Variants in BMPR1B observed in about 807,000 individuals in gnomAD.
BMPR1B encodes bone morphogenetic protein receptor type-1B.
In BMPR1B, 12 loss-of-function variants were observed where a neutral mutation model predicts 59.1. The observed-to-expected ratio is 0.20, with a 90% CI of 0.13 to 0.33. The LOEUF is 0.33. Among genes scored for constraint, BMPR1B ranks in the 10% least tolerant of loss-of-function variants. The pLI, the probability that BMPR1B is intolerant of heterozygous loss-of-function variation, is 1.00. For synonymous variants in BMPR1B, 237 were observed against 207.3 expected, an observed-to-expected ratio of 1.14 and a Z score of -1.23; for missense variants, 550 against 610.9, an observed-to-expected ratio of 0.90 and a Z score of 1.05.
At chr4:94,893,717 C>T (rs1727483160) in intron 2 of BMPR1B, among the ~76,000 whole-genome samples, 1 of 151,872 alleles carries the variant, frequency 6.6e-6, no homozygotes, top group African/African-American at 2.4e-5. Flanking sequence ...CTTTCCATTC[C>T]TATAAAATGG....
chr4:95,055,062 G>C (rs1327713871), intron 3 of BMPR1B, among the ~76,000 whole-genome samples: 1 of 152,088 alleles, frequency 6.6e-6, no homozygotes. Context: ...AGGAAAACAA[G>C]GTGAGATAGG....
At chr4:95,091,276 T>TTTTGTTTTG (rs1560645858) in intron 3 of BMPR1B, among the ~76,000 whole-genome samples, 18 of 144,984 alleles carry the variant, frequency 1.2e-4, no homozygotes, top group African/African-American at 4.3e-4. Context: ...TTTTCTTTTT[T>TTTTGTTTTG]TTTTGTTTTG....
intron 2 of BMPR1B, among the ~76,000 whole-genome samples, chr4:94,913,429 A>G (rs1346887707): frequency 6.6e-6 from 1 of 152,182 alleles, no homozygotes; most frequent in Non-Finnish European, 1.5e-5. Flanking sequence ...GTAAAGATTG[A>G]AACTATTGCG....
intron 2 of BMPR1B, among the ~76,000 whole-genome samples, chr4:94,955,970 A>G (rs1204457960): frequency 6.6e-6 from 1 of 152,114 alleles, no homozygotes; most frequent in Admixed American, 6.5e-5. Context: ...TGAGGCAGCA[A>G]ATACTCTTTC....
intron 1 of BMPR1B, among the ~76,000 whole-genome samples, chr4:94,807,302 T>C (rs181342487): frequency 2.0e-5 from 3 of 152,068 alleles, no homozygotes; most frequent in African/African-American, 7.2e-5. Context: ...CACCATGTTG[T>C]CCAGGCTGCC....
chr4:95,001,296 G>T (rs532956385), intron 3 of BMPR1B, among the ~76,000 whole-genome samples: 5 of 151,950 alleles, frequency 3.3e-5, no homozygotes, highest in African/African-American at 1.2e-4. Context: ...AATTTTTTGT[G>T]TCTCTGTGTC....
rs374744787 is a variant in BMPR1B at position 95,078,767 on chromosome 4, A to G, written c.-17-25641A>G. Among the ~76,000 whole-genome samples, 7 of 151,792 alleles carry G rather than the reference A, an allele frequency of 4.6e-5. No homozygotes were observed. The East Asian group carries it at 5.8e-4, about 13-fold the overall frequency. On this transcript the variant is annotated intron_variant, in intron 3 of 12. Transcript: ENST00000515059. ...TCTGTATTTCTTTCTTTTTTTCCTT[A>G]CTATTTTTGAGACAGAGTCTTGCTC... is the stretch of plus-strand genomic sequence containing the variant.
At chr4:95,141,575 T>C (rs1421096883) in intron 10 of BMPR1B, among the ~76,000 whole-genome samples, 1 of 152,214 alleles carries the variant, frequency 6.6e-6, no homozygotes. Context: ...ATGCATTTCC[T>C]GCTCAGCAGA....
intron 3 of BMPR1B, among the ~76,000 whole-genome samples, chr4:95,019,083 G>A (rs142344007): frequency 3.3e-5 from 5 of 152,126 alleles, no homozygotes; most frequent in African/African-American, 9.6e-5. Context: ...GTCGAATACC[G>A]CTTCATATTG....
intron 2 of BMPR1B, among the ~76,000 whole-genome samples, chr4:94,890,633 G>A (rs1441315435): frequency 6.6e-6 from 1 of 152,030 alleles, no homozygotes; most frequent in Non-Finnish European, 1.5e-5. Flanking sequence ...CCACAGTTCT[G>A]GAAGCTGAAC....
Position 94,820,208 on chromosome 4 carries a change from A to G in BMPR1B, c.-182-55623A>G, listed in dbSNP as rs1289333434. Among the ~76,000 whole-genome samples, 5 of 152,228 alleles carry G rather than the reference A, an allele frequency of 3.3e-5. No homozygotes were observed. In the East Asian group the frequency reaches 9.7e-4, roughly 29 times the overall value. On this transcript the variant is annotated intron_variant, in intron 1 of 12. Coordinates refer to ENST00000515059, the MANE Select transcript of BMPR1B (RefSeq NM_001203.3). ...GAGAAAGAATTTTCTAGGGTGCCAG[A>G]CCTTGAATGTATGGAGCAGAAATTT...
At chr4:95,109,237 G>A (rs941511114) in intron 4 of BMPR1B, among the ~76,000 whole-genome samples, 1 of 152,018 alleles carries the variant, frequency 6.6e-6, no homozygotes, top group Non-Finnish European at 1.5e-5. Context: ...TCTCCTGCCT[G>A]GGCAGTTTTC....
At chr4:95,021,050 G>C (rs1281377246) in intron 3 of BMPR1B, among the ~76,000 whole-genome samples, 1 of 152,124 alleles carries the variant, frequency 6.6e-6, no homozygotes, top group Non-Finnish European at 1.5e-5. Context: ...AAAGATGCTT[G>C]AGACTTTATG....
intron 3 of BMPR1B, among the ~76,000 whole-genome samples, chr4:95,003,220 CTTAAT>C (rs1257722848): frequency 6.6e-6 from 1 of 152,028 alleles, no homozygotes; most frequent in Non-Finnish European, 1.5e-5. Context: ...ATTTTTATGT[CTTAAT>C]TTAACTGTTA....
intron 1 of BMPR1B, among the ~76,000 whole-genome samples, chr4:94,819,511 C>G (rs118171245): frequency 6.6e-6 from 1 of 152,136 alleles, no homozygotes; most frequent in African/African-American, 2.4e-5. Context: ...GACACTGTGG[C>G]GTAGCCAGTG....
intron 2 of BMPR1B, among the ~76,000 whole-genome samples, chr4:94,908,199 A>G (rs1219837408): frequency 6.6e-6 from 1 of 151,708 alleles, no homozygotes; most frequent in East Asian, 1.9e-4. Flanking sequence ...TATTTTTCAT[A>G]AGAATTGCAC....
intron 2 of BMPR1B, among the ~76,000 whole-genome samples, chr4:94,902,263 G>C (rs930236731): frequency 0.13 from 13,149 of 104,986 alleles, 608 homozygotes; most frequent in African/African-American, 0.18. Context: ...GAGAGAGAGA[G>C]AGAGAGAGAG....
At chr4:94,782,816 G>A (rs182025694) in intron 1 of BMPR1B, among the ~76,000 whole-genome samples, 1 of 152,200 alleles carries the variant, frequency 6.6e-6, no homozygotes, top group East Asian at 1.9e-4. Context: ...AGTTTCTGGT[G>A]CCTGCTTTAA....
intron 1 of BMPR1B, among the ~76,000 whole-genome samples, chr4:94,865,691 G>C (rs886737883): frequency 6.6e-6 from 1 of 152,132 alleles, no homozygotes; most frequent in Non-Finnish European, 1.5e-5. Context: ...GCTCCCAGCT[G>C]CTGTTTTCTA....
Sources: gnomAD v4.1 joint callset for allele counts (sites outside exome capture counted in the v4.1 genomes callset) on GRCh38, gnomAD v4.1.1 for gene constraint, MANE v1.5 for transcripts, NCBI Gene and HGNC (gene_info 2026-07-23, HGNC 2026-07-21) for gene names.